Variants in PIN4 observed in about 807,000 individuals in gnomAD.
PIN4 encodes the protein peptidylprolyl cis/trans isomerase, NIMA-interacting 4, also known as peptidyl-prolyl cis-trans isomerase NIMA-interacting 4.
A neutral mutation model predicts 8.3 loss-of-function variants in PIN4; 3 were observed. The observed-to-expected ratio is 0.36, with a 90% CI of 0.16 to 0.93. PIN4 has a LOEUF of 0.93. Among genes scored for constraint, PIN4 ranks in the 40% least tolerant of loss-of-function variants. PIN4 has a pLI of 0.44. For synonymous variants in PIN4, 18 were observed against 32.5 expected, an observed-to-expected ratio of 0.55 and a Z score of 1.52; for missense variants, 75 against 100.6, an observed-to-expected ratio of 0.75 and a Z score of 1.09.
At chrX:72,209,533 CCTTT>C (rs1163361618) in intron 3 of PIN4, among the ~76,000 whole-genome samples, 2 of 111,818 alleles carry the variant, frequency 1.8e-5, no homozygotes, top group East Asian at 5.6e-4. Context: ...TCATCCTTGT[CCTTT>C]CTTTTTATGC....
intron 3 of PIN4, among the ~76,000 whole-genome samples, chrX:72,253,644 A>G: frequency 9.2e-6 from 1 of 109,179 alleles, no homozygotes; most frequent in Non-Finnish European, 1.9e-5. Context: ...AAAAGAAAAA[A>G]GAAAATCAAC....
At chrX:72,206,644 A>T (rs958041304) in intron 3 of PIN4, 4 of 1,209,720 alleles carry the variant, frequency 3.3e-6, no homozygotes, top group Non-Finnish European at 4.5e-6. Context: ...CTCGAATTCA[A>T]CGAGGAATTG....
chrX:72,200,407 G>A (rs2042785898), downstream of PIN4, among the ~76,000 whole-genome samples: 1 of 111,539 alleles, frequency 9.0e-6, no homozygotes, highest in South Asian at 3.7e-4. Flanking sequence ...AGGGTGTGGG[G>A]AAACAGACAT....
At chrX:72,231,689 G>T (rs1225567640) in intron 3 of PIN4, among the ~76,000 whole-genome samples, 1 of 110,794 alleles carries the variant, frequency 9.0e-6, no homozygotes, top group Non-Finnish European at 1.9e-5. Context: ...GAGTAGCTGG[G>T]ACTACAGATG....
At chrX:72,199,566 A>G (rs891344695), downstream of PIN4, among the ~76,000 whole-genome samples, 1 of 111,710 alleles carries the variant, frequency 9.0e-6, no homozygotes, top group East Asian at 2.8e-4. Context: ...AAATAAAACA[A>G]TGTGTCTAAA....
chrX:72,207,256 A>G (rs770702617), intron 3 of PIN4: 1 of 1,210,058 alleles, frequency 8.3e-7, no homozygotes, highest in Non-Finnish European at 1.1e-6. Context: ...ATCGATTCGC[A>G]ATGTCTTAAA....
chrX:72,263,407 A>G (rs1035015799), exon 4 of PIN4: 9 of 111,743 alleles, frequency 8.1e-5, no homozygotes, highest in African/African-American at 2.9e-4. Flanking sequence ...GAGGCCCTAC[A>G]AGAAAAACAG....
At chrX:72,206,889 C>T (rs773027699) in intron 3 of PIN4, 1 of 1,211,633 alleles carries the variant, frequency 8.3e-7, no homozygotes, top group South Asian at 1.8e-5. Context: ...TTGTAAAGAG[C>T]TCTCTTAATT....
At chrX:72,228,721 C>T (rs1288100231) in intron 3 of PIN4, among the ~76,000 whole-genome samples, 2 of 111,259 alleles carry the variant, frequency 1.8e-5, no homozygotes, top group Admixed American at 1.9e-4. Flanking sequence ...TTTACTCTTA[C>T]CCAAATAACC....
intron 3 of PIN4, among the ~76,000 whole-genome samples, chrX:72,260,514 A>C (rs1164740776): frequency 9.0e-6 from 1 of 111,352 alleles, no homozygotes. Context: ...TCATCCCTCC[A>C]GGGCTCCAGT....
rs761266350 is a variant in PIN4, at chrX:72,261,228, G to A, written c.313-1479G>A. ...GGAGAATTTCTTGAATCCGGGAGGC[G>A]GAGGTTGCAGTGAGCCGAGACGTGC... On this transcript the variant is annotated intron_variant, in intron 3 of 3. Coordinates refer to the PIN4 transcript ENST00000423432. 2.8e-5 allele frequency among the ~76,000 whole-genome samples: 3 copies of A among 108,105 alleles called. No individual in the cohort carries two copies. The Admixed American group carries it at 2.9e-4, about 11-fold the overall frequency. The allele number at this position is 108,105 out of a possible 115,157, so 93.9% of individuals were successfully genotyped here.
intron 3 of PIN4, among the ~76,000 whole-genome samples, chrX:72,218,495 CTTT>C (rs200615272): frequency 3.1e-5 from 3 of 97,162 alleles, no homozygotes; most frequent in Non-Finnish European, 6.2e-5. Flanking sequence ...ATTTCTTTCT[CTTT>C]TTTTTTTTTT....
intron 2 of PIN4, among the ~76,000 whole-genome samples, chrX:72,193,765 G>A (rs1417071916): frequency 2.7e-5 from 3 of 109,653 alleles, no homozygotes; most frequent in African/African-American, 1.0e-4. Context: ...CAGCTACTCA[G>A]GAGGCTGAGA....
At chrX:72,261,314 A>C (rs1210308828) in intron 3 of PIN4, among the ~76,000 whole-genome samples, 6 of 108,760 alleles carry the variant, frequency 5.5e-5, no homozygotes, top group Admixed American at 9.9e-5. Flanking sequence ...AAAAAAAAAA[A>C]ACCAAAATCT....
At chrX:72,230,721 G>T (rs1291498859) in intron 3 of PIN4, among the ~76,000 whole-genome samples, 1 of 112,022 alleles carries the variant, frequency 8.9e-6, no homozygotes, top group Non-Finnish European at 1.9e-5. Flanking sequence ...CCAGCACTTT[G>T]GGAGGCCTAG....
At chrX:72,194,018 A>G (rs1429776105) in intron 2 of PIN4, among the ~76,000 whole-genome samples, 1 of 112,595 alleles carries the variant, frequency 8.9e-6, no homozygotes, top group African/African-American at 3.2e-5. Context: ...GTATAAAGTT[A>G]AAAAGATATA....
chrX:72,233,674 A>C (rs1473266975), intron 3 of PIN4, among the ~76,000 whole-genome samples: 2 of 103,181 alleles, frequency 1.9e-5, no homozygotes, highest in Non-Finnish European at 3.8e-5. Context: ...GTGAGCCGAG[A>C]TTGCGCCACC....
At chrX:72,205,088 G>T (rs1171451352) in intron 3 of PIN4, 31 of 1,209,272 alleles carry the variant, frequency 2.6e-5, no homozygotes, top group African/African-American at 3.5e-5. Context: ...TTTATGTCAA[G>T]CGCTTTAACT....
chrX:72,232,273 T>TAAAAA (rs56070381), intron 3 of PIN4, among the ~76,000 whole-genome samples: 8 of 61,419 alleles, frequency 1.3e-4, no homozygotes, highest in Non-Finnish European at 2.2e-4. Context: ...GAAGGAGTAT[T>TAAAAA]AAAAAAAAAA....
Sources: gnomAD v4.1 joint callset for allele counts (sites outside exome capture counted in the v4.1 genomes callset) on GRCh38, gnomAD v4.1.1 for gene constraint, MANE v1.5 for transcripts, NCBI Gene and HGNC (gene_info 2026-07-23, HGNC 2026-07-21) for gene names.